Variants in NUDCD2 observed in about 807,000 individuals in gnomAD.
The protein encoded by NUDCD2 is nudC domain-containing protein 2.
In NUDCD2, 16 loss-of-function variants were observed where a neutral mutation model predicts 20.8. The observed-to-expected ratio is 0.77, with a 90% CI of 0.52 to 1.17. NUDCD2 has a LOEUF of 1.17. NUDCD2 is among the 50% of genes most tolerant of loss of function. NUDCD2 has a pLI of 0.00. For missense variants in NUDCD2, 199 were observed against 193.9 expected, an observed-to-expected ratio of 1.03 and a Z score of -0.16; for synonymous variants, 87 against 72.8, an observed-to-expected ratio of 1.20 and a Z score of -1.00.
At position 163,457,089 on chromosome 5, in the gene NUDCD2, A is replaced by AC. The variant is rs1758335391; in HGVS notation, c.239-10_239-9insG. On this transcript the variant is annotated splice_polypyrimidine_tract_variant and intron_variant, in intron 2 of 3. Transcript: ENST00000302764. ...AACCATTTTTCTGTCCTCTAAAAAA[A>AC]AAACACACACACACACACGCACAAA... 6.3e-7 allele frequency: 1 copy of AC among 1,589,180 alleles called. No individual in the cohort carries two copies. The highest frequency in any genetic ancestry group is 1.4e-5 in the African/African-American group (1 of 72,932).
At chr5:163,454,178 G>A (rs1666855861) in intron 3 of NUDCD2, 128 bp from the exon 4 acceptor site, 1 of 452,064 alleles carries the variant, frequency 2.2e-6, no homozygotes, top group Non-Finnish European at 4.0e-6. Flanking sequence ...AGACTTCACT[G>A]TTACCACCAA....
intron 1 of NUDCD2, 39 bp downstream of exon 1, chr5:163,459,823 G>A: frequency 6.4e-7 from 1 of 1,552,076 alleles, no homozygotes; most frequent in Non-Finnish European, 8.7e-7. Context: ...GGGGCGTCTG[G>A]GAAGAGGAAA....
chr5:163,459,874 G>T lies in NUDCD2; in HGVS notation c.177C>A (p.Arg59=). The part of the protein sequence containing the change: ...SRHVALSVGG[R]EILKGKLFDS... ...GAGCTGCCGCTACCTTGAGGATCTC[G>T]CGGCCGCCCACCGACAGCGCCACAT... Residue 59 remains arginine, a synonymous_variant, in exon 1 of 4, where the codon CGC becomes CGA. Coordinates refer to ENST00000302764, the MANE Select transcript of NUDCD2 (RefSeq NM_145266.6). The T allele has an allele frequency of 6.2e-7, 1 of 1,604,036 alleles. No homozygotes were observed. The highest frequency in any genetic ancestry group is 2.2e-5 in the East Asian group (1 of 44,510).
At position 163,447,541 on chromosome 5, in the gene NUDCD2, T is replaced by C. The variant is rs1450898123; in HGVS notation, c.*6426A>G. ...AGTTGGAAACTTAAACATTCCTCTCTCAGTAGTCCATAGAATTAATAGAAA... is the reference window on the plus strand; with the variant it reads ...AGTTGGAAACTTAAACATTCCTCTCCCAGTAGTCCATAGAATTAATAGAAA... On this transcript the variant is annotated 3_prime_UTR_variant, in exon 4 of 4. Coordinates refer to ENST00000302764, the MANE Select transcript of NUDCD2 (RefSeq NM_145266.6). The C allele has an allele frequency of 6.6e-6, 1 of 151,710 alleles. No individual in the cohort carries two copies. Among genetic ancestry groups the C allele is most frequent in the East Asian group, 1.9e-4 (1 of 5,176 alleles). 9.4% of individuals were successfully genotyped at this position (151,710 alleles called of 1,614,324 possible). A position where few individuals can be genotyped will look rare whatever the true frequency, so the allele number is the denominator to read the frequency against.
intron 1 of NUDCD2, among the ~76,000 whole-genome samples, chr5:163,457,976 TG>T (rs1758366417): frequency 2.3e-5 from 3 of 132,786 alleles, no homozygotes; most frequent in Admixed American, 9.0e-5. Flanking sequence ...TAAAAAATGT[TG>T]TCTTTTTTTT....
intron 3 of NUDCD2, among the ~76,000 whole-genome samples, chr5:163,455,885 G>T (rs1215800638): frequency 2.6e-5 from 4 of 152,164 alleles, no homozygotes; most frequent in Non-Finnish European, 4.4e-5. Flanking sequence ...AGTTGGTGGT[G>T]AAAAGTGGCC....
rs1005908763 is a variant in NUDCD2 at position 163,447,084 on chromosome 5, G to A, written c.*6883C>T. The A allele has an allele frequency of 3.3e-5, 5 of 152,058 alleles. No homozygotes were observed. Among genetic ancestry groups the A allele is most frequent in the African/African-American group, 1.2e-4 (5 of 41,388 alleles). 9.4% of individuals were successfully genotyped at this position (152,058 alleles called of 1,614,324 possible). A position where few individuals can be genotyped will look rare whatever the true frequency, so the allele number is the denominator to read the frequency against. ...AACCAAAATTGCCAAGGATAATTAG[G>A]GACATTATATAATGATAAAATTCAC... On this transcript the variant is annotated 3_prime_UTR_variant, in exon 4 of 4. Coordinates refer to ENST00000302764, the MANE Select transcript of NUDCD2 (RefSeq NM_145266.6).
intron 1 of NUDCD2, among the ~76,000 whole-genome samples, chr5:163,458,060 G>A (rs1053996305): frequency 7.4e-5 from 9 of 121,974 alleles, no homozygotes; most frequent in African/African-American, 2.9e-4. Context: ...CTGGCTCACT[G>A]CAACCTCCAC....
chr5:163,455,244 C>T (rs1758273471), intron 3 of NUDCD2, among the ~76,000 whole-genome samples: 1 of 151,954 alleles, frequency 6.6e-6, no homozygotes, highest in African/African-American at 2.4e-5. Context: ...TAAAAGTTAG[C>T]CAAACTGTGG....
In NUDCD2 at chr5:163,450,859, A is replaced by G. The variant is rs1249515353; in HGVS notation, c.*3108T>C. The stretch of plus-strand genomic sequence containing the variant: ...ATAAAGACTTGTACACGTTTATAGC[A>G]GCTTTAGTCAGGACAGCCAAAGGGT... On this transcript the variant is annotated 3_prime_UTR_variant, in exon 4 of 4. Transcript: ENST00000302764. 1 of 152,264 alleles carries G rather than the reference A, an allele frequency of 6.6e-6. No homozygotes were observed. The highest frequency in any genetic ancestry group is 2.4e-5 in the African/African-American group (1 of 41,464). The allele number at this position is 152,264 out of a possible 1,614,324, so 9.4% of individuals were successfully genotyped here. A position where few individuals can be genotyped will look rare whatever the true frequency, so the allele number is the denominator to read the frequency against.
Position 163,457,082 on chromosome 5 carries a change from TA to T in NUDCD2, c.239-3del, listed in dbSNP as rs747457697. 1.4e-3 allele frequency: 1,880 copies of T among 1,387,586 alleles called. No homozygotes were observed. The highest frequency in any genetic ancestry group is 3.8e-3 in the Admixed American group (180 of 47,070). The allele number at this position is 1,387,586 out of a possible 1,614,324, so 86.0% of individuals were successfully genotyped here. ...CAATACGAACCATTTTTCTGTCCTC[TA>T]AAAAAAAAACACACACACACACACG... On this transcript the variant is annotated splice_polypyrimidine_tract_variant and splice_region_variant and intron_variant, in intron 2 of 3. Transcript: ENST00000302764.
intron 2 of NUDCD2, 135 bp downstream of exon 2, chr5:163,457,427 C>T (rs762485349): frequency 3.1e-6 from 2 of 635,964 alleles, no homozygotes; most frequent in Non-Finnish European, 5.6e-6. Context: ...GTAACTTTGA[C>T]ATACAACGGT....
In NUDCD2 at chr5:163,452,081, A is replaced by T. The variant is rs747728083; in HGVS notation, c.*1886T>A. 6.6e-6 allele frequency: 1 copy of T among 152,006 alleles called. No homozygotes were observed. The allele number at this position is 152,006 out of a possible 1,614,324, so 9.4% of individuals were successfully genotyped here. ...AAAAAAAAAACCCCACAAATAATCA[A>T]ATAGGAATCAGGTTTCTCACTGGTA... On this transcript the variant is annotated 3_prime_UTR_variant, in exon 4 of 4. Coordinates refer to ENST00000302764, the MANE Select transcript of NUDCD2 (RefSeq NM_145266.6).
chr5:163,454,606 G>A (rs1023194136), intron 3 of NUDCD2, among the ~76,000 whole-genome samples: 36 of 152,218 alleles, frequency 2.4e-4, no homozygotes, highest in Admixed American at 7.9e-4. Context: ...CTCCCAAAGT[G>A]CTGGGATTAC....
At position 163,454,006 on chromosome 5, in the gene NUDCD2, G is replaced by A; in HGVS notation, c.435C>T (p.Tyr145=). Residue 145 remains tyrosine (Y), a synonymous_variant, in exon 4 of 4, where the codon TAC becomes TAT. Transcript: ENST00000302764. Reference sequence around the variant, plus strand: ...TTGAGAAATCTGGTCCACCTTTAGTGTAGTTTCCTGAGATTTCTGCTCCAC... The same window carrying A: ...TTGAGAAATCTGGTCCACCTTTAGTATAGTTTCCTGAGATTTCTGCTCCAC... ...DFSGAEISGN[Y]TKGGPDFSNL... is the part of the protein sequence containing the mutation. 6.4e-7 allele frequency: 1 copy of A among 1,561,258 alleles called. No individual in the cohort carries two copies. Among genetic ancestry groups the A allele is most frequent in the African/African-American group, 1.4e-5 (1 of 73,446 alleles).
At chr5:163,457,223 C>A (rs953991940) in intron 2 of NUDCD2, 143 bp from the exon 3 acceptor site, 1 of 854,754 alleles carries the variant, frequency 1.2e-6, no homozygotes, top group African/African-American at 1.7e-5. Context: ...CCTCCGCCCC[C>A]CGGGTTCAAG....
Position 163,450,461 on chromosome 5 carries a change from T to C in NUDCD2, c.*3506A>G, listed in dbSNP as rs1227295733. 1 of 152,098 alleles carries C rather than the reference T, an allele frequency of 6.6e-6. No individual in the cohort carries two copies. Among genetic ancestry groups the C allele is most frequent in the South Asian group, 2.1e-4 (1 of 4,824 alleles). The allele number at this position is 152,098 out of a possible 1,614,324, so 9.4% of individuals were successfully genotyped here. A position where few individuals can be genotyped will look rare whatever the true frequency, so the allele number is the denominator to read the frequency against. On this transcript the variant is annotated 3_prime_UTR_variant, in exon 4 of 4. Transcript: ENST00000302764. ...CCTGGTAAGAGACTTGTACCCAGAA[T>C]ATATAAAGACTCTTACTACCCAATA...
chr5:163,457,722 C>T (rs1317867983), intron 1 of NUDCD2, 112 bp from the exon 2 acceptor site: 1 of 707,704 alleles, frequency 1.4e-6, no homozygotes, highest in African/African-American at 1.8e-5. Flanking sequence ...ACCACCACTT[C>T]ACCATGACAT....
chr5:163,459,279 C>T (rs1758409418), intron 1 of NUDCD2: 1 of 152,204 alleles, frequency 6.6e-6, no homozygotes, highest in Non-Finnish European at 1.5e-5. Context: ...ATCCAAAGAG[C>T]ATTGGTGAAA....
Sources: allele counts gnomAD v4.1 joint callset (sites outside exome capture counted in the v4.1 genomes callset), GRCh38; gene constraint gnomAD v4.1.1; transcripts MANE v1.5; gene names NCBI Gene and HGNC (gene_info 2026-07-23, HGNC 2026-07-21).